COLGALT2: variants seen among roughly 807,000 people sequenced by gnomAD.
COLGALT2 encodes collagen beta(1-O)galactosyltransferase 2.
Under a neutral mutation model 73.4 loss-of-function variants are expected in COLGALT2, and 49 were observed. The observed-to-expected ratio is 0.67, with a 90% CI of 0.53 to 0.85. The LOEUF (loss-of-function observed/expected upper bound fraction) is 0.85. Among genes scored for constraint, COLGALT2 ranks in the 40% least tolerant of loss-of-function variants. COLGALT2 has a pLI of 0.00. For missense variants in COLGALT2, 722 were observed against 790.2 expected (o/e 0.91, Z 1.03); for synonymous variants, 295 against 307.6 (o/e 0.96, Z 0.43).
chr1:183,996,178 C>T lies in COLGALT2; in HGVS notation c.264-17658G>A, dbSNP rs764019445. On this transcript the variant is annotated intron_variant, in intron 1 of 11. Transcript: ENST00000361927. ...GCTCTGCACTGGACCACAGCTGGCC[C>T]GCATGCTGGGGAGGAGGCGCACAGG... Among the ~76,000 whole-genome samples the T allele has an allele frequency of 3.3e-5, 5 of 152,180 alleles. No individual in the cohort carries two copies. In the East Asian group the frequency reaches 9.6e-4, roughly 29 times the overall value.
At position 183,986,065 on chromosome 1, in the gene COLGALT2, C is replaced by T. The variant is rs116436023; in HGVS notation, c.264-7545G>A. Among the ~76,000 whole-genome samples, 917 of 152,272 alleles carry T rather than the reference C, an allele frequency of 6.0e-3. 7 individuals are homozygous for T. Among genetic ancestry groups the T allele is most frequent in the African/African-American group, 0.019 (791 of 41,540 alleles). On this transcript the variant is annotated intron_variant, in intron 1 of 11. Transcript: ENST00000361927. ...CCTCTGTGTCCAGTCTCAAGGAAAGCCTCCCCAGCAGCAGACGTGCCAAAG... is the reference window on the plus strand; with the variant it reads ...CCTCTGTGTCCAGTCTCAAGGAAAGTCTCCCCAGCAGCAGACGTGCCAAAG...
rs533770396 is a variant in COLGALT2 at position 183,936,719 on chromosome 1, C to T, written c.*2042G>A. 6 of 1,230,420 alleles carry T rather than the reference C, an allele frequency of 4.9e-6. No individual in the cohort carries two copies. Among genetic ancestry groups the T allele is most frequent in the Admixed American group, 4.2e-5 (1 of 23,706 alleles). The allele number at this position is 1,230,420 out of a possible 1,614,324, so 76.2% of individuals were successfully genotyped here. A position where few individuals can be genotyped will look rare whatever the true frequency, so the allele number is the denominator to read the frequency against. ...ATCACCTAAGGAATTTTCACTCGCT[C>T]CCCAGATGCTCTTTCTGTTTTTCTG... On this transcript the variant is annotated 3_prime_UTR_variant, in exon 12 of 12. Coordinates refer to ENST00000361927, the MANE Select transcript of COLGALT2 (RefSeq NM_015101.4).
At chr1:183,962,579 C>T (rs1483602140) in intron 6 of COLGALT2, among the ~76,000 whole-genome samples, 1 of 152,142 alleles carries the variant, frequency 6.6e-6, no homozygotes, top group African/African-American at 2.4e-5. Context: ...CCCTTTTGCT[C>T]ATCTACCTAC....
intron 8 of COLGALT2, 166 bp from the exon 9 acceptor site, chr1:183,945,730 A>C: frequency 1.4e-6 from 1 of 724,242 alleles, no homozygotes; most frequent in Non-Finnish European, 2.2e-6. Flanking sequence ...GTGTCACACT[A>C]GTATTATGAG....
intron 9 of COLGALT2, among the ~76,000 whole-genome samples, chr1:183,944,707 G>T (rs1670204740): frequency 6.6e-6 from 1 of 152,194 alleles, no homozygotes; most frequent in African/African-American, 2.4e-5. Flanking sequence ...CTTGTGGGAT[G>T]CTGGTTACCT....
rs1670029181 is a variant in COLGALT2 at position 183,938,663 on chromosome 1, G to A, written c.*98C>T. 1.3e-6 allele frequency: 2 copies of A among 1,512,936 alleles called. No homozygotes were observed. Among genetic ancestry groups the A allele is most frequent in the Non-Finnish European group, 1.8e-6 (2 of 1,130,482 alleles). The allele number at this position is 1,512,936 out of a possible 1,614,324, so 93.7% of individuals were successfully genotyped here. A position where few individuals can be genotyped will look rare whatever the true frequency, so the allele number is the denominator to read the frequency against. On this transcript the variant is annotated 3_prime_UTR_variant, in exon 12 of 12. Transcript: ENST00000361927. ...TTGGTTAGATGACTGTGACCACTAA[G>A]AACAAAACAAAACAGAAAACTGGAG...
Position 184,037,423 on chromosome 1 carries a change from G to T in COLGALT2, c.-66C>A. On this transcript the variant is annotated 5_prime_UTR_variant, in exon 1 of 12. Coordinates refer to ENST00000361927, the MANE Select transcript of COLGALT2 (RefSeq NM_015101.4). ...GCGCCCGGCTGGGCTGCCTGAGGGC[G>T]GCGGCGGCTGCCGGGGAGCAAGGGG... 7.9e-7 allele frequency: 1 copy of T among 1,270,602 alleles called. No homozygotes were observed. The highest frequency in any genetic ancestry group is 9.9e-7 in the Non-Finnish European group (1 of 1,011,882). 78.7% of individuals were successfully genotyped at this position (1,270,602 alleles called of 1,614,324 possible). A position where few individuals can be genotyped will look rare whatever the true frequency, so the allele number is the denominator to read the frequency against.
chr1:183,965,579 A>G (rs1186282919), intron 5 of COLGALT2, among the ~76,000 whole-genome samples: 1 of 152,222 alleles, frequency 6.6e-6, no homozygotes, highest in Non-Finnish European at 1.5e-5. Context: ...GAGAAGAGAA[A>G]TAAGTCTTAG....
chr1:183,968,332 T>A (rs1450953130), intron 5 of COLGALT2, among the ~76,000 whole-genome samples: 1 of 152,222 alleles, frequency 6.6e-6, no homozygotes, highest in Non-Finnish European at 1.5e-5. Flanking sequence ...CTTGTGAATT[T>A]TGTCCTCCTG....
chr1:183,987,983 T>TA (rs1469325703), intron 1 of COLGALT2, among the ~76,000 whole-genome samples: 3 of 152,260 alleles, frequency 2.0e-5, no homozygotes, highest in South Asian at 4.1e-4. Context: ...GAAATCAACA[T>TA]AAAAAACACA....
At chr1:183,944,345 A>G in intron 9 of COLGALT2, 22 bp from the exon 10 acceptor site, 1 of 1,600,638 alleles carries the variant, frequency 6.2e-7, no homozygotes, top group Non-Finnish European at 8.5e-7. Context: ...ATCAGTAGGA[A>G]GATACCCTAT....
At chr1:183,967,944 G>A (rs554636441) in intron 5 of COLGALT2, among the ~76,000 whole-genome samples, 1 of 152,346 alleles carries the variant, frequency 6.6e-6, no homozygotes, top group East Asian at 1.9e-4. Flanking sequence ...TGCTCCAGCA[G>A]CCAAGGGGGA....
Position 183,938,897 on chromosome 1 carries a change from G to C in COLGALT2, c.1745C>G (p.Thr582Arg). The C allele has an allele frequency of 6.2e-7, 1 of 1,614,172 alleles. No individual in the cohort carries two copies. Among genetic ancestry groups the C allele is most frequent in the Non-Finnish European group, 8.5e-7 (1 of 1,180,030 alleles). The change falls in exon 12 of 12, where the codon ACA (threonine) becomes AGA (arginine). Residue 582 changes from threonine to arginine, a missense_variant. Thr to Arg is a moderately conservative substitution (Grantham distance 71). Coordinates refer to ENST00000361927, the MANE Select transcript of COLGALT2 (RefSeq NM_015101.4). Reference protein sequence around the residue: ...TETSTIWDNETVATDWDRTHA... With the variant: ...TETSTIWDNERVATDWDRTHA... ...TGTCCTATCCCAGTCGGTGGCCACT[G>C]TCTCATTGTCCCAGATGGTGGAGGT...
downstream of COLGALT2, among the ~76,000 whole-genome samples, chr1:183,931,884 G>C (rs1207692081): frequency 6.6e-6 from 1 of 150,608 alleles, no homozygotes; most frequent in African/African-American, 2.4e-5. Context: ...AAAAATCAAG[G>C]CACCAGTTTT....
At chr1:184,009,362 T>C (rs1400180392) in intron 1 of COLGALT2, among the ~76,000 whole-genome samples, 1 of 152,240 alleles carries the variant, frequency 6.6e-6, no homozygotes, top group Non-Finnish European at 1.5e-5. Flanking sequence ...TCAATCCTTT[T>C]TGGAAAAGGG....
intron 1 of COLGALT2, among the ~76,000 whole-genome samples, chr1:184,024,877 AT>A (rs535586728): frequency 8.9e-4 from 135 of 152,306 alleles, no homozygotes; most frequent in African/African-American, 3.1e-3. Context: ...GATAAGATGC[AT>A]GGGAAAATGA....
chr1:184,023,653 G>T (rs992364954), intron 1 of COLGALT2, among the ~76,000 whole-genome samples: 1 of 151,666 alleles, frequency 6.6e-6, no homozygotes, highest in Non-Finnish European at 1.5e-5. Flanking sequence ...TGGGGGGGGG[G>T]GGCGGTGCCG....
chr1:184,000,825 ATTTTT>A (rs149091262), intron 1 of COLGALT2, among the ~76,000 whole-genome samples: 1 of 113,234 alleles, frequency 8.8e-6, no homozygotes, highest in African/African-American at 3.5e-5. Flanking sequence ...TCAGCCCCCC[ATTTTT>A]TTTTTTTTTT....
chr1:184,023,433 C>T (rs1358545850), intron 1 of COLGALT2, among the ~76,000 whole-genome samples: 57 of 152,160 alleles, frequency 3.7e-4, no homozygotes, highest in Admixed American at 3.7e-3. Flanking sequence ...GCTATCACTT[C>T]AGTGTGATAA....
Sources: gnomAD v4.1 joint callset for allele counts (sites outside exome capture counted in the v4.1 genomes callset) on GRCh38, gnomAD v4.1.1 for gene constraint, MANE v1.5 for transcripts, NCBI Gene and HGNC (gene_info 2026-07-23, HGNC 2026-07-21) for gene names.